Variants in SGCZ observed in about 807,000 individuals in gnomAD.
SGCZ encodes the protein zeta-sarcoglycan.
SGCZ carries 40 observed loss-of-function variants against 41.3 expected under a neutral mutation model. The observed-to-expected ratio is 0.97, with a 90% CI of 0.75 to 1.26. The LOEUF is 1.26. SGCZ is among the 50% of genes most tolerant of loss of function. The pLI, the probability that SGCZ is intolerant of heterozygous loss-of-function variation, is 0.00. For missense variants in SGCZ, 552 were observed against 369.8 expected (o/e 1.49, Z -4.04); for synonymous variants, 206 against 137.5 (o/e 1.50, Z -3.49).
chr8:14,278,783 G>C (rs1305036004), intron 3 of SGCZ, among the ~76,000 whole-genome samples: 2 of 152,036 alleles, frequency 1.3e-5, no homozygotes, highest in African/African-American at 4.8e-5. Flanking sequence ...CATAAAAAGA[G>C]GCTGGTATTC....
At chr8:15,187,246 C>G (rs1423808963) in intron 1 of SGCZ, among the ~76,000 whole-genome samples, 1 of 152,014 alleles carries the variant, frequency 6.6e-6, no homozygotes, top group African/African-American at 2.4e-5. Flanking sequence ...CAAATCAACT[C>G]CATATTTATA....
chr8:14,147,854 A>G (rs1723816891), intron 5 of SGCZ, among the ~76,000 whole-genome samples: 1 of 152,180 alleles, frequency 6.6e-6, no homozygotes, highest in African/African-American at 2.4e-5. Flanking sequence ...AATAATGTCA[A>G]GCATATTCCC....
chr8:14,182,269 T>C (rs1396148867), intron 4 of SGCZ, among the ~76,000 whole-genome samples: 1 of 152,192 alleles, frequency 6.6e-6, no homozygotes, highest in Non-Finnish European at 1.5e-5. Context: ...CCCTGAAGGC[T>C]GTGCAGTGAG....
chr8:14,419,784 A>C (rs183566703), intron 2 of SGCZ, among the ~76,000 whole-genome samples: 1 of 152,108 alleles, frequency 6.6e-6, no homozygotes, highest in East Asian at 1.9e-4. Flanking sequence ...CTACTTTAAG[A>C]ATAATTAGTA....
chr8:14,623,644 T>C (rs1356177957), intron 1 of SGCZ, among the ~76,000 whole-genome samples: 1 of 152,184 alleles, frequency 6.6e-6, no homozygotes, highest in Non-Finnish European at 1.5e-5. Context: ...TAGCTTCAAG[T>C]GGCCAATGAG....
rs796788854 is a variant in SGCZ, at chr8:14,157,359, T to A, written c.547+7221A>T. ...CTCTGTGTGTGTGTGTGTGTGTGTG[T>A]GTGTGAGTGTGTGTGTGTGTGTGTG... On this transcript the variant is annotated intron_variant, in intron 5 of 7. Transcript: ENST00000382080. 8.8e-3 allele frequency among the ~76,000 whole-genome samples: 1,140 copies of A among 129,074 alleles called. 12 individuals are homozygous for A. Among genetic ancestry groups the A allele is most frequent in the African/African-American group, 0.025 (893 of 35,790 alleles). 84.7% of individuals were successfully genotyped at this position (129,074 alleles called of 152,430 possible).
intron 1 of SGCZ, among the ~76,000 whole-genome samples, chr8:14,821,008 G>T (rs573390704): frequency 6.6e-6 from 1 of 150,424 alleles, no homozygotes; most frequent in Non-Finnish European, 1.5e-5. Flanking sequence ...GTAAAATAGC[G>T]ATTCAAAAAA....
chr8:14,200,423 C>G (rs559930872), intron 4 of SGCZ, among the ~76,000 whole-genome samples: 32 of 151,976 alleles, frequency 2.1e-4, no homozygotes, highest in African/African-American at 7.0e-4. Flanking sequence ...TAAAGAAGAA[C>G]ATTGGACAAC....
intron 1 of SGCZ, among the ~76,000 whole-genome samples, chr8:14,928,322 G>A (rs529906736): frequency 6.6e-6 from 1 of 152,212 alleles, no homozygotes; most frequent in Admixed American, 6.5e-5. Context: ...AAATATGCTA[G>A]CCTTTTGTTT....
At chr8:14,573,269 C>T (rs1054890426) in intron 1 of SGCZ, among the ~76,000 whole-genome samples, 3 of 139,560 alleles carry the variant, frequency 2.1e-5, no homozygotes, top group African/African-American at 8.0e-5. Context: ...GCTGTCTCGG[C>T]TCACTGCAAG....
intron 1 of SGCZ, among the ~76,000 whole-genome samples, chr8:14,969,843 C>T (rs1368596815): frequency 1.3e-5 from 2 of 151,990 alleles, no homozygotes; most frequent in Admixed American, 1.3e-4. Flanking sequence ...CATTTATGTG[C>T]AAGTCTACGT....
chr8:14,878,152 T>A (rs371149781), intron 1 of SGCZ, among the ~76,000 whole-genome samples: 19 of 151,950 alleles, frequency 1.3e-4, no homozygotes, highest in East Asian at 3.9e-4. Flanking sequence ...GACATGGGTT[T>A]ACACTTGAAA....
chr8:14,755,286 C>T (rs1260514049), intron 1 of SGCZ, among the ~76,000 whole-genome samples: 1 of 151,850 alleles, frequency 6.6e-6, no homozygotes, highest in Admixed American at 6.6e-5. Flanking sequence ...TTTTGTTGAT[C>T]TCTACTGAGT....
intron 1 of SGCZ, among the ~76,000 whole-genome samples, chr8:14,841,791 A>C (rs933639852): frequency 6.6e-6 from 1 of 152,162 alleles, no homozygotes; most frequent in South Asian, 2.1e-4. Context: ...ATTTTATGCA[A>C]TGTTGTCATC....
intron 6 of SGCZ, among the ~76,000 whole-genome samples, chr8:14,106,209 C>A (rs148849899): frequency 0.011 from 1,721 of 152,242 alleles, 32 homozygotes; most frequent in African/African-American, 0.039. Flanking sequence ...TAAGGATAAA[C>A]AAGGCAGATG....
intron 1 of SGCZ, among the ~76,000 whole-genome samples, chr8:14,773,475 G>A (rs1411565128): frequency 6.6e-6 from 1 of 152,134 alleles, no homozygotes; most frequent in Non-Finnish European, 1.5e-5. Context: ...TCCAGATGGG[G>A]AAAGCTGAGC....
chr8:14,226,569 T>G (rs1354312527), intron 4 of SGCZ, among the ~76,000 whole-genome samples: 1 of 152,176 alleles, frequency 6.6e-6, no homozygotes, highest in Non-Finnish European at 1.5e-5. Flanking sequence ...CATTCCACTG[T>G]GTTAACATAG....
chr8:14,851,368 C>CAAAAAAAAAAA (rs369090223), intron 1 of SGCZ, among the ~76,000 whole-genome samples: 43 of 61,854 alleles, frequency 7.0e-4, no homozygotes, highest in African/African-American at 2.5e-3. Context: ...GACTCCATCT[C>CAAAAAAAAAAA]AAAAAAAAAA....
intron 1 of SGCZ, among the ~76,000 whole-genome samples, chr8:15,169,843 T>TG (rs1563163464): frequency 6.6e-6 from 1 of 152,288 alleles, no homozygotes; most frequent in East Asian, 1.9e-4. Flanking sequence ...GTTTCCATTC[T>TG]GGGGGGATGC....
Sources: gnomAD v4.1 joint callset for allele counts (sites outside exome capture counted in the v4.1 genomes callset) on GRCh38, gnomAD v4.1.1 for gene constraint, MANE v1.5 for transcripts, NCBI Gene and HGNC (gene_info 2026-07-23, HGNC 2026-07-21) for gene names.